Variants in OXR1 observed in about 807,000 individuals in gnomAD.
OXR1 encodes oxidation resistance protein 1.
Under a neutral mutation model 104.6 loss-of-function variants are expected in OXR1, and 41 were observed. That is an observed-to-expected ratio of 0.39 (90% confidence interval 0.31 to 0.51). The LOEUF is 0.51. OXR1 is among the 20% of genes least tolerant of loss of function. The probability of loss-of-function intolerance (pLI) is 0.77; values close to 1 mark genes in which losing one functional copy is unlikely to be tolerated. For missense variants in OXR1, 955 were observed against 1,031.9 expected (o/e 0.93, Z 1.02); for synonymous variants, 348 against 348.4 (o/e 1.00, Z 0.01).
chr8:106,717,578 A>G (rs757949077), intron 11 of OXR1, among the ~76,000 whole-genome samples: 11 of 152,198 alleles, frequency 7.2e-5, no homozygotes, highest in Non-Finnish European at 1.5e-4. Flanking sequence ...TTTGTATATG[A>G]TAAATTTGGT....
At chr8:106,345,055 T>C (rs1022884283) in intron 1 of OXR1, among the ~76,000 whole-genome samples, 7 of 152,242 alleles carry the variant, frequency 4.6e-5, no homozygotes, top group African/African-American at 1.7e-4. Flanking sequence ...CTGTAACTAA[T>C]TACTGTGTTT....
chr8:106,427,617 G>A (rs1157466838), intron 2 of OXR1, among the ~76,000 whole-genome samples: 1 of 152,094 alleles, frequency 6.6e-6, no homozygotes, highest in Non-Finnish European at 1.5e-5. Flanking sequence ...CTCTCTTCCT[G>A]AAATATTAGC....
At chr8:106,390,203 TATA>T (rs1817538091) in intron 2 of OXR1, among the ~76,000 whole-genome samples, 1 of 152,254 alleles carries the variant, frequency 6.6e-6, no homozygotes, top group South Asian at 2.1e-4. Flanking sequence ...TTTAAAAATC[TATA>T]ATAAGAAAAC....
chr8:106,427,487 C>A (rs1387393253), intron 2 of OXR1, among the ~76,000 whole-genome samples: 3 of 152,100 alleles, frequency 2.0e-5, no homozygotes, highest in Non-Finnish European at 4.4e-5. Context: ...CTGATAGATT[C>A]TCCAAAGGGC....
At chr8:106,410,686 G>A (rs1818423829) in intron 2 of OXR1, among the ~76,000 whole-genome samples, 2 of 152,134 alleles carry the variant, frequency 1.3e-5, no homozygotes. Context: ...TATAAGATAT[G>A]ACTTAGAAAG....
At chr8:106,442,146 C>G (rs906720533) in intron 2 of OXR1, among the ~76,000 whole-genome samples, 3 of 152,036 alleles carry the variant, frequency 2.0e-5, no homozygotes, top group Non-Finnish European at 4.4e-5. Flanking sequence ...TTTATCGAAG[C>G]CTTTTTCTGC....
chr8:106,538,314 T>A (rs955443688), intron 3 of OXR1, among the ~76,000 whole-genome samples: 3 of 152,380 alleles, frequency 2.0e-5, no homozygotes, highest in East Asian at 1.9e-4. Flanking sequence ...TTAATTTTAA[T>A]TTTTGGATAC....
At chr8:106,727,443 G>A (rs1343706607) in intron 11 of OXR1, among the ~76,000 whole-genome samples, 1 of 152,036 alleles carries the variant, frequency 6.6e-6, no homozygotes, top group South Asian at 2.1e-4. Flanking sequence ...TTTTGAGACA[G>A]GGTCTCACTT....
At chr8:106,744,130 G>C (rs1468484343) in intron 15 of OXR1, among the ~76,000 whole-genome samples, 4 of 152,172 alleles carry the variant, frequency 2.6e-5, no homozygotes, top group Non-Finnish European at 5.9e-5. Flanking sequence ...CGGATGATCT[G>C]TGCAGCAAAC....
At chr8:106,538,447 A>G (rs1251317456) in intron 3 of OXR1, among the ~76,000 whole-genome samples, 3 of 152,076 alleles carry the variant, frequency 2.0e-5, no homozygotes, top group Non-Finnish European at 4.4e-5. Flanking sequence ...TCTCTTTTCT[A>G]CTATTTTTTT....
At chr8:106,695,519 G>C (rs1177589634) in intron 7 of OXR1, among the ~76,000 whole-genome samples, 1 of 151,480 alleles carries the variant, frequency 6.6e-6, no homozygotes, top group Admixed American at 6.6e-5. Context: ...CCAGGTTCAA[G>C]CAATTCTCCT....
At chr8:106,697,788 G>T (rs1194815402) in intron 7 of OXR1, 1 of 1,612,638 alleles carries the variant, frequency 6.2e-7, no homozygotes, top group East Asian at 2.2e-5. Context: ...TCTTTACTGG[G>T]ACCTGCCCCT....
intron 3 of OXR1, chr8:106,657,512 GCTGGGTGTCCACCCTTTCCC>G (rs1410684989): frequency 6.6e-6 from 1 of 152,116 alleles, no homozygotes; most frequent in Non-Finnish European, 1.5e-5. Context: ...CTGGCGGGAG[GCTGGGTGTCCACCCTTTCCC>G]CTGCAGTCCT....
At chr8:106,286,885 A>G (rs1193219717) in intron 1 of OXR1, among the ~76,000 whole-genome samples, 2 of 152,210 alleles carry the variant, frequency 1.3e-5, no homozygotes, top group African/African-American at 2.4e-5. Context: ...ATAATAAAAG[A>G]CAAATTATCT....
chr8:106,517,400 C>G (rs1812929978), intron 2 of OXR1, among the ~76,000 whole-genome samples: 1 of 152,176 alleles, frequency 6.6e-6, no homozygotes, highest in African/African-American at 2.4e-5. Context: ...AAATTCCATT[C>G]TACCATTGAT....
At chr8:106,627,850 T>A (rs1480918095) in intron 3 of OXR1, among the ~76,000 whole-genome samples, 2 of 152,088 alleles carry the variant, frequency 1.3e-5, no homozygotes, top group Non-Finnish European at 1.5e-5. Flanking sequence ...TAGGAATAAG[T>A]GGAGATTGAG....
intron 2 of OXR1, among the ~76,000 whole-genome samples, chr8:106,387,240 A>G (rs1444779007): frequency 2.6e-5 from 4 of 152,272 alleles, no homozygotes; most frequent in Non-Finnish European, 4.4e-5. Flanking sequence ...ACAATGTTGG[A>G]AAAAGATTGC....
chr8:106,747,516 TC>T (rs1248599383), intron 16 of OXR1, among the ~76,000 whole-genome samples: 1 of 152,200 alleles, frequency 6.6e-6, no homozygotes, highest in Non-Finnish European at 1.5e-5. Context: ...TTTTATTCCT[TC>T]CACTTCCTTA....
chr8:106,328,698 A>T (rs1814583029), intron 1 of OXR1, among the ~76,000 whole-genome samples: 1 of 152,188 alleles, frequency 6.6e-6, no homozygotes, highest in South Asian at 2.1e-4. Context: ...CAAGAAAGTA[A>T]TAAGAAAAAA....
Sources: gnomAD v4.1 joint callset for allele counts (sites outside exome capture counted in the v4.1 genomes callset) on GRCh38, gnomAD v4.1.1 for gene constraint, MANE v1.5 for transcripts, NCBI Gene and HGNC (gene_info 2026-07-23, HGNC 2026-07-21) for gene names.